The following RUFY4 variants were observed in gnomAD, a reference collection of about 807,000 sequenced individuals.
RUFY4 encodes RUN and FYVE domain-containing protein 4.
In RUFY4, 73 loss-of-function variants were observed where a neutral mutation model predicts 69.0. The ratio of observed to expected loss-of-function variants is 1.06; its 90% CI spans 0.88 to 1.29. RUFY4 has a LOEUF of 1.29. RUFY4 is among the 50% of genes most tolerant of loss of function. RUFY4 has a pLI of 0.00. For missense variants in RUFY4, 770 were observed against 705.6 expected, an observed-to-expected ratio of 1.09 and a Z score of -1.03; for synonymous variants, 287 against 271.8, an observed-to-expected ratio of 1.06 and a Z score of -0.55.
chr2:218,069,944 C>T (rs1240684670), upstream of RUFY4, among the ~76,000 whole-genome samples: 3 of 152,132 alleles, frequency 2.0e-5, no homozygotes, highest in African/African-American at 7.2e-5. Context: ...CGCCCTGCTC[C>T]CCACACACAC....
At chr2:218,042,072 C>A (rs547936613) in intron 2 of RUFY4, among the ~76,000 whole-genome samples, 1 of 152,268 alleles carries the variant, frequency 6.6e-6, no homozygotes, top group East Asian at 1.9e-4. Context: ...GTTGACTTAT[C>A]CAAATTGTCT....
intron 9 of RUFY4, among the ~76,000 whole-genome samples, chr2:218,086,572 A>G (rs1265560476): frequency 6.6e-6 from 1 of 152,234 alleles, no homozygotes; most frequent in Non-Finnish European, 1.5e-5. Context: ...TTCCAGACAA[A>G]CCATGAATTA....
upstream of RUFY4, among the ~76,000 whole-genome samples, chr2:218,067,165 C>T (rs528323085): frequency 2.0e-5 from 3 of 152,340 alleles, no homozygotes; most frequent in South Asian, 6.2e-4. Flanking sequence ...AGTCGTGGCC[C>T]CACTTAGCCC....
intron 2 of RUFY4, chr2:218,035,494 C>G (rs1031646838): frequency 5.9e-5 from 9 of 152,492 alleles, no homozygotes; most frequent in African/African-American, 2.2e-4. Context: ...GAATCCCATG[C>G]CCCAGCCACC....
chr2:218,082,768 G>A (rs1689791437), intron 8 of RUFY4, among the ~76,000 whole-genome samples: 1 of 151,776 alleles, frequency 6.6e-6, no homozygotes, highest in Non-Finnish European at 1.5e-5. Flanking sequence ...TATGTGTTGT[G>A]TGTATTGTGT....
intron 2 of RUFY4, among the ~76,000 whole-genome samples, chr2:218,041,229 C>A (rs987445979): frequency 1.3e-5 from 2 of 152,140 alleles, no homozygotes; most frequent in Non-Finnish European, 2.9e-5. Flanking sequence ...TTCTTCCAAC[C>A]TGGACAGTGA....
chr2:218,041,714 T>G (rs186535235), intron 2 of RUFY4, among the ~76,000 whole-genome samples: 430 of 152,364 alleles, frequency 2.8e-3, no homozygotes, highest in African/African-American at 9.7e-3. Flanking sequence ...TTGTTTTTCT[T>G]TAATATAGGC....
intron 2 of RUFY4, among the ~76,000 whole-genome samples, chr2:218,036,181 G>C (rs1339582572): frequency 6.6e-6 from 1 of 152,232 alleles, no homozygotes; most frequent in African/African-American, 2.4e-5. Flanking sequence ...TTAGCACAGT[G>C]TCGTCGCCCA....
In RUFY4 at chr2:218,072,846, A is replaced by T. The variant is rs1343758713; in HGVS notation, c.347A>T (p.Glu116Val). ...TGCCTGGCCCGTGGGCAGCTGGCTGAGGCCCTGCAGCTTTGCCTCCTGAAC... is the reference window on the plus strand; with the variant it reads ...TGCCTGGCCCGTGGGCAGCTGGCTGTGGCCCTGCAGCTTTGCCTCCTGAAC... Residue 116 changes from glutamate to valine, a missense_variant, in exon 4 of 11, where the codon GAG (glutamate) becomes GTG (valine). Glu to Val is a moderately radical substitution (Grantham distance 121). Transcript: ENST00000344321. 27 of 1,535,808 alleles carry T rather than the reference A, an allele frequency of 1.8e-5. No homozygotes were observed. Among genetic ancestry groups the T allele is most frequent in the Non-Finnish European group, 2.2e-5 (25 of 1,146,244 alleles).
chr2:218,041,588 C>T (rs1350389655), intron 2 of RUFY4, among the ~76,000 whole-genome samples: 1 of 141,364 alleles, frequency 7.1e-6, no homozygotes, highest in African/African-American at 3.0e-5. Context: ...AGAAGTACAG[C>T]CAAAAAAAAA....
intron 2 of RUFY4, among the ~76,000 whole-genome samples, chr2:218,050,323 C>T (rs573166951): frequency 2.0e-5 from 3 of 152,264 alleles, no homozygotes; most frequent in Admixed American, 6.5e-5. Flanking sequence ...GACAAGAACC[C>T]GGAACTCACC....
At chr2:218,081,714 A>G (rs1207351905) in intron 8 of RUFY4, among the ~76,000 whole-genome samples, 1 of 152,194 alleles carries the variant, frequency 6.6e-6, no homozygotes, top group Non-Finnish European at 1.5e-5. Context: ...GAGGTGCCAA[A>G]AGACTAGAAT....
intron 3 of RUFY4, among the ~76,000 whole-genome samples, chr2:218,063,921 T>G (rs3181211): frequency 0.25 from 38,537 of 152,038 alleles, 5,891 homozygotes; most frequent in East Asian, 0.39. Context: ...ACAAAAGTCC[T>G]TTCTGACCCC....
chr2:218,073,918 T>C, intron 6 of RUFY4, 33 bp downstream of exon 8: 1 of 1,603,852 alleles, frequency 6.2e-7, no homozygotes, highest in South Asian at 1.1e-5. Context: ...CTGAGTTGCC[T>C]CTTCCCCATC....
chr2:218,087,480 A>G (rs1689922176), intron 9 of RUFY4, among the ~76,000 whole-genome samples: 1 of 152,172 alleles, frequency 6.6e-6, no homozygotes, highest in Admixed American at 6.5e-5. Flanking sequence ...AGTCATAAGG[A>G]TACTACCTAT....
intron 2 of RUFY4, among the ~76,000 whole-genome samples, chr2:218,047,782 A>G (rs1317970326): frequency 6.6e-6 from 1 of 152,218 alleles, no homozygotes; most frequent in Non-Finnish European, 1.5e-5. Flanking sequence ...CCTAAAGTAC[A>G]TAAGCTTAAA....
chr2:218,088,945 C>G (rs1284756175), intron 9 of RUFY4, among the ~76,000 whole-genome samples: 2 of 151,250 alleles, frequency 1.3e-5, no homozygotes, highest in South Asian at 4.2e-4. Context: ...CTCTCTCTCT[C>G]CCTCTTTCCC....
chr2:218,073,173 G>A lies in RUFY4; in HGVS notation c.387-70G>A, dbSNP rs990003306. On this transcript the variant is annotated intron_variant, in intron 4 of 10. Transcript: ENST00000344321. ...TGCTTTGTTGAGGTTGAGCTGGGGT[G>A]GGGGTGGTTGGGGCAGGGGGAAACA... is the stretch of plus-strand genomic sequence containing the variant. 4.0e-6 allele frequency: 6 copies of A among 1,511,766 alleles called. No homozygotes were observed. The African/African-American group carries it at 6.9e-5, about 17-fold the overall frequency. 93.6% of individuals were successfully genotyped at this position (1,511,766 alleles called of 1,614,324 possible).
At chr2:218,071,387 T>C (rs1332997149) in intron 2 of RUFY4, among the ~76,000 whole-genome samples, 1 of 152,154 alleles carries the variant, frequency 6.6e-6, no homozygotes, top group African/African-American at 2.4e-5. Flanking sequence ...TCTTGGATCT[T>C]CCTGGAGCAC....
Sources: allele counts gnomAD v4.1 joint callset (sites outside exome capture counted in the v4.1 genomes callset), GRCh38; gene constraint gnomAD v4.1.1; transcripts MANE v1.5; gene names NCBI Gene and HGNC (gene_info 2026-07-23, HGNC 2026-07-21).